Variants in NFATC3 observed in about 807,000 individuals in gnomAD.
The protein encoded by NFATC3 is nuclear factor of activated T-cells, cytoplasmic 3.
Under a neutral mutation model 98.6 loss-of-function variants are expected in NFATC3, and 46 were observed. The ratio of observed to expected loss-of-function variants is 0.47; its 90% CI spans 0.37 to 0.60. The LOEUF (loss-of-function observed/expected upper bound fraction) is 0.60. Among genes scored for constraint, NFATC3 ranks in the 20% least tolerant of loss-of-function variants. The pLI is 0.00. For missense variants in NFATC3, 1,256 were observed against 1,295.5 expected (o/e 0.97, Z 0.47); for synonymous variants, 512 against 472.2 (o/e 1.08, Z -1.09).
At chr16:68,198,787 G>A (rs1490167035) in intron 9 of NFATC3, among the ~76,000 whole-genome samples, 1 of 152,064 alleles carries the variant, frequency 6.6e-6, no homozygotes, top group Non-Finnish European at 1.5e-5. Context: ...GTTGGCTCAC[G>A]CCTGTAATCC....
Position 68,183,235 on chromosome 16 carries a change from C to T in NFATC3, c.1972-5C>T. 1 of 1,575,208 alleles carries T rather than the reference C, an allele frequency of 6.3e-7. No homozygotes were observed. The highest frequency in any genetic ancestry group is 8.6e-7 in the Non-Finnish European group (1 of 1,166,792). On this transcript the variant is annotated splice_polypyrimidine_tract_variant and splice_region_variant and intron_variant, in intron 7 of 9. Transcript: ENST00000346183. ...GTGTAACACAATCTTGCTTTCCATCCTTAGGCTCACATTGTCCTTGAAGTT... is the reference window on the plus strand; with the variant it reads ...GTGTAACACAATCTTGCTTTCCATCTTTAGGCTCACATTGTCCTTGAAGTT...
At chr16:68,100,032 T>C (rs1477741625) in intron 1 of NFATC3, among the ~76,000 whole-genome samples, 1 of 152,126 alleles carries the variant, frequency 6.6e-6, no homozygotes, top group East Asian at 1.9e-4. Context: ...TCCTTCCAAG[T>C]TGTCGAGTAT....
At chr16:68,119,602 A>G (rs1268155043) in intron 1 of NFATC3, among the ~76,000 whole-genome samples, 1 of 152,166 alleles carries the variant, frequency 6.6e-6, no homozygotes, top group Non-Finnish European at 1.5e-5. Context: ...CTCTGCCTGC[A>G]TTATGCCCCT....
chr16:68,152,512 G>C (rs1333135689), intron 3 of NFATC3, among the ~76,000 whole-genome samples: 1 of 152,004 alleles, frequency 6.6e-6, no homozygotes, highest in Non-Finnish European at 1.5e-5. Context: ...CCCTACACCT[G>C]GTGTTTTGTT....
rs529052490 is a variant in NFATC3 at position 68,217,759 on chromosome 16, G to A, written c.3107-8591G>A. On this transcript the variant is annotated intron_variant, in intron 9 of 9. Transcript: ENST00000346183. ...CTTAGTCATGACTGAGTCTTAGCCCGAGGAAGGGATGGGAAAAAGGGAGGA... is the reference window on the plus strand; with the variant it reads ...CTTAGTCATGACTGAGTCTTAGCCCAAGGAAGGGATGGGAAAAAGGGAGGA... 7.3e-6 allele frequency: 9 copies of A among 1,231,632 alleles called. No individual in the cohort carries two copies. The South Asian group carries it at 2.1e-4, about 28-fold the overall frequency. 76.3% of individuals were successfully genotyped at this position (1,231,632 alleles called of 1,614,324 possible).
intron 9 of NFATC3, among the ~76,000 whole-genome samples, chr16:68,222,396 G>A (rs749774594): frequency 2.2e-4 from 32 of 148,828 alleles, no homozygotes; most frequent in Middle Eastern, 3.5e-3. Context: ...TTTAAAATCC[G>A]TTTGTAGTTT....
Position 68,086,005 on chromosome 16 carries a change from G to A in NFATC3, c.103+221G>A. ...GGCGGGCTTGGCTGGAAGCAAACTA[G>A]TGGGGAACTCGACTCCGGGACGATC... On this transcript the variant is annotated intron_variant, in intron 1 of 9. Coordinates refer to ENST00000346183, the MANE Select transcript of NFATC3 (RefSeq NM_173165.3). 6.9e-6 allele frequency: 3 copies of A among 434,452 alleles called. No homozygotes were observed. The East Asian group carries it at 1.2e-4, about 17-fold the overall frequency. 26.9% of individuals were successfully genotyped at this position (434,452 alleles called of 1,614,324 possible). A position where few individuals can be genotyped will look rare whatever the true frequency, so the allele number is the denominator to read the frequency against.
At chr16:68,124,489 A>G (rs1248429752) in intron 2 of NFATC3, among the ~76,000 whole-genome samples, 3 of 147,492 alleles carry the variant, frequency 2.0e-5, no homozygotes, top group Non-Finnish European at 3.0e-5. Context: ...CTGGAGTGCA[A>G]TGGCGCGATC....
Position 68,126,497 on chromosome 16 carries a change from C to G in NFATC3, c.1288C>G (p.Gln430Glu). 6.2e-7 allele frequency: 1 copy of G among 1,614,038 alleles called. No individual in the cohort carries two copies. The change falls in exon 3 of 10, where the codon CAA becomes GAA. Residue 430 changes from glutamine to glutamate, a missense_variant. Physicochemically the swap from Gln to Glu is conservative, Grantham distance 29 (BLOSUM62 2). Coordinates refer to ENST00000346183, the MANE Select transcript of NFATC3 (RefSeq NM_173165.3). Reference protein sequence around the residue: ...LDWPLPAHFGQCELKIEVQPK... With the variant: ...LDWPLPAHFGECELKIEVQPK... ...CTGGCCTTTACCAGCTCATTTTGGA[C>G]AATGTGAACTGAAAATAGAAGTGCA...
At chr16:68,087,981 G>T (rs1028801896) in intron 1 of NFATC3, among the ~76,000 whole-genome samples, 2 of 152,040 alleles carry the variant, frequency 1.3e-5, no homozygotes, top group African/African-American at 2.4e-5. Context: ...TTGAAATTCT[G>T]TTGAGGATGT....
rs745705102 is a variant in NFATC3 at position 68,122,417 on chromosome 16, T to C, written c.534T>C (p.Asp178=). 1 of 1,614,194 alleles carries C rather than the reference T, an allele frequency of 6.2e-7. No homozygotes were observed. The highest frequency in any genetic ancestry group is 8.5e-7 in the Non-Finnish European group (1 of 1,180,036). Residue 178 remains aspartate (D), a synonymous_variant, in exon 2 of 10, where the codon GAT becomes GAC. Transcript: ENST00000346183. ...TCTCTTCTAGGAGTTGGTTCTCTGA[T>C]GCATCTTCTTGTGAATCGCTTTCAC... ...SSISSRSWFS[D]ASSCESLSHI...
intron 9 of NFATC3, among the ~76,000 whole-genome samples, chr16:68,219,542 G>A (rs867849654): frequency 6.6e-6 from 1 of 152,112 alleles, no homozygotes; most frequent in Middle Eastern, 3.4e-3. Flanking sequence ...ACTCCAGCCT[G>A]GGTGGCAGAC....
chr16:68,203,130 C>G (rs1012560575), intron 9 of NFATC3, among the ~76,000 whole-genome samples: 1 of 152,086 alleles, frequency 6.6e-6, no homozygotes, highest in Non-Finnish European at 1.5e-5. Context: ...GATGGGGATT[C>G]AAGACCTTAG....
chr16:68,136,800 G>A (rs2037438953), intron 3 of NFATC3, among the ~76,000 whole-genome samples: 1 of 152,162 alleles, frequency 6.6e-6, no homozygotes, highest in African/African-American at 2.4e-5. Context: ...AGGAGGGTGA[G>A]GCAGGAGGAT....
At chr16:68,173,490 C>T (rs995724201) in intron 5 of NFATC3, among the ~76,000 whole-genome samples, 1 of 152,076 alleles carries the variant, frequency 6.6e-6, no homozygotes, top group African/African-American at 2.4e-5. Context: ...TCACTTGAAC[C>T]TGGGAGGCAG....
At chr16:68,148,892 C>G (rs1050920267) in intron 3 of NFATC3, among the ~76,000 whole-genome samples, 1 of 152,118 alleles carries the variant, frequency 6.6e-6, no homozygotes, top group Non-Finnish European at 1.5e-5. Flanking sequence ...GCCTGTAGTT[C>G]CAGCTACTCA....
intron 1 of NFATC3, among the ~76,000 whole-genome samples, chr16:68,100,887 CTGTGTG>C (rs55677176): frequency 1.4e-5 from 2 of 146,388 alleles, no homozygotes; most frequent in Non-Finnish European, 1.5e-5. Flanking sequence ...TTTGAGAGTT[CTGTGTG>C]TGTGTGTGTG....
chr16:68,218,058 C>G (rs1400458373), intron 9 of NFATC3: 1 of 1,054,944 alleles, frequency 9.5e-7, no homozygotes, highest in African/African-American at 1.7e-5. Context: ...TTGGTTTTTC[C>G]CTTTTTTTTG....
At chr16:68,215,075 A>G (rs906678322) in intron 9 of NFATC3, among the ~76,000 whole-genome samples, 1 of 152,238 alleles carries the variant, frequency 6.6e-6, no homozygotes. Flanking sequence ...TAGAAATTAT[A>G]AATACACAGA....
Sources: gnomAD v4.1 joint callset for allele counts (sites outside exome capture counted in the v4.1 genomes callset) on GRCh38, gnomAD v4.1.1 for gene constraint, MANE v1.5 for transcripts, NCBI Gene and HGNC (gene_info 2026-07-23, HGNC 2026-07-21) for gene names.